PCDH7: variants seen among roughly 807,000 people sequenced by gnomAD.
PCDH7 encodes the protein protocadherin-7.
A neutral mutation model predicts 58.9 loss-of-function variants in PCDH7; 17 were observed. The ratio of observed to expected loss-of-function variants is 0.29; its 90% CI spans 0.20 to 0.43. The LOEUF (loss-of-function observed/expected upper bound fraction) is 0.43. PCDH7 is among the 20% of genes least tolerant of loss of function. The probability of loss-of-function intolerance (pLI) is 1.00; values close to 1 mark genes in which losing one functional copy is unlikely to be tolerated. For missense variants in PCDH7, 1,274 were observed against 1,441.0 expected, an observed-to-expected ratio of 0.88 and a Z score of 1.88; for synonymous variants, 664 against 616.4, an observed-to-expected ratio of 1.08 and a Z score of -1.14.
chr4:31,078,162 A>G (rs1759161969), intron 3 of PCDH7, among the ~76,000 whole-genome samples: 1 of 152,188 alleles, frequency 6.6e-6, no homozygotes, highest in Non-Finnish European at 1.5e-5. Flanking sequence ...TGTAACATCC[A>G]TATCATGGTG....
intron 1 of PCDH7, among the ~76,000 whole-genome samples, chr4:30,822,733 C>T (rs759465664): frequency 1.3e-5 from 2 of 151,962 alleles, no homozygotes; most frequent in Non-Finnish European, 2.9e-5. Context: ...GTGGGGAGTG[C>T]GCAGAGGATA....
At chr4:30,908,984 G>A (rs1421293183) in intron 1 of PCDH7, among the ~76,000 whole-genome samples, 1 of 152,002 alleles carries the variant, frequency 6.6e-6, no homozygotes, top group African/African-American at 2.4e-5. Context: ...TATGTACCAC[G>A]ATCAAGTCAG....
At chr4:31,013,002 G>A (rs1370439768) in intron 3 of PCDH7, among the ~76,000 whole-genome samples, 1 of 150,202 alleles carries the variant, frequency 6.7e-6, no homozygotes, top group Admixed American at 6.6e-5. Flanking sequence ...GCAACAAAGT[G>A]AGAGATGGTC....
intron 1 of PCDH7, among the ~76,000 whole-genome samples, chr4:30,808,087 CAT>C (rs958793934): frequency 2.2e-4 from 34 of 152,288 alleles, no homozygotes; most frequent in African/African-American, 8.2e-4. Flanking sequence ...GAGATCCAAA[CAT>C]GTACTAAGGT....
At chr4:31,103,329 T>C (rs544927859) in intron 3 of PCDH7, among the ~76,000 whole-genome samples, 16 of 152,190 alleles carry the variant, frequency 1.1e-4, no homozygotes, top group Admixed American at 3.9e-4. Flanking sequence ...TCCCAATTTC[T>C]TTTCTTTTCT....
At chr4:30,927,980 T>A (rs1026945303) in intron 2 of PCDH7, among the ~76,000 whole-genome samples, 4 of 152,232 alleles carry the variant, frequency 2.6e-5, no homozygotes, top group East Asian at 1.9e-4. Context: ...GTCTTTTTTT[T>A]ATTTTTATTT....
intron 1 of PCDH7, among the ~76,000 whole-genome samples, chr4:30,895,010 C>T (rs1408522681): frequency 6.6e-6 from 1 of 151,726 alleles, no homozygotes; most frequent in Non-Finnish European, 1.5e-5. Context: ...AGTATTATGT[C>T]ATGCATTAGT....
At chr4:31,130,986 A>G (rs1718912918) in intron 3 of PCDH7, among the ~76,000 whole-genome samples, 1 of 152,130 alleles carries the variant, frequency 6.6e-6, no homozygotes. Context: ...ATGTTACCTA[A>G]CATATGCACA....
intron 2 of PCDH7, among the ~76,000 whole-genome samples, chr4:30,923,888 GTT>G (rs1458340525): frequency 6.6e-6 from 1 of 152,090 alleles, no homozygotes; most frequent in African/African-American, 2.4e-5. Context: ...TTCATATAGA[GTT>G]TATGGGGGAA....
At chr4:30,917,624 A>G (rs1742646544) in intron 1 of PCDH7, among the ~76,000 whole-genome samples, 1 of 151,994 alleles carries the variant, frequency 6.6e-6, no homozygotes, top group Non-Finnish European at 1.5e-5. Flanking sequence ...AGATAAAAAT[A>G]TTTTAAAATT....
chr4:31,076,001 C>T (rs1204508113), intron 3 of PCDH7, among the ~76,000 whole-genome samples: 1 of 152,116 alleles, frequency 6.6e-6, no homozygotes, highest in African/African-American at 2.4e-5. Context: ...GTTATGACCT[C>T]ATGGAAATAT....
intron 3 of PCDH7, among the ~76,000 whole-genome samples, chr4:31,032,225 G>T (rs918527508): frequency 6.6e-6 from 1 of 152,174 alleles, no homozygotes. Context: ...TTATACGCAA[G>T]ATCATACATC....
chr4:30,896,658 T>C (rs1318168290), intron 1 of PCDH7, among the ~76,000 whole-genome samples: 11 of 152,072 alleles, frequency 7.2e-5, no homozygotes, highest in Admixed American at 7.2e-4. Context: ...AAGGAGGAAG[T>C]GGAAAATCTG....
At chr4:31,077,611 A>G (rs906548560) in intron 3 of PCDH7, among the ~76,000 whole-genome samples, 2 of 152,018 alleles carry the variant, frequency 1.3e-5, no homozygotes, top group African/African-American at 2.4e-5. Context: ...TCCCCACTTC[A>G]TGTTTATGAG....
chr4:30,722,986 A>C lies in PCDH7; in HGVS notation c.1564A>C (p.Ile522Leu). 1.2e-6 allele frequency: 2 copies of C among 1,613,802 alleles called. No individual in the cohort carries two copies. The highest frequency in any genetic ancestry group is 1.7e-6 in the Non-Finnish European group (2 of 1,180,032). The change falls in exon 1 of 2, where the codon ATT becomes CTT. Residue 522 changes from isoleucine to leucine, a missense_variant. Transcript: ENST00000361762. The surrounding 1 kb of genome is among the most constrained non-coding windows in gnomAD (Gnocchi z 7.6). ...CAGCCTCTCGAGCAACAACTCCCTG[A>C]TTGTCAAGGTGGGAGACACCAACGA...
intron 3 of PCDH7, among the ~76,000 whole-genome samples, chr4:31,077,998 G>A (rs994719112): frequency 6.6e-6 from 1 of 152,090 alleles, no homozygotes. Flanking sequence ...ATTTTCTCAG[G>A]ATTCGATGTG....
intron 1 of PCDH7, among the ~76,000 whole-genome samples, chr4:30,849,253 C>T (rs1732396229): frequency 6.6e-6 from 1 of 152,094 alleles, no homozygotes; most frequent in East Asian, 1.9e-4. Flanking sequence ...CTCCAAAAAC[C>T]ACTCTTGGGG....
intron 1 of PCDH7, among the ~76,000 whole-genome samples, chr4:30,868,364 C>T (rs1735137008): frequency 6.6e-6 from 1 of 152,012 alleles, no homozygotes; most frequent in Non-Finnish European, 1.5e-5. Context: ...TGTCAGATTG[C>T]AAAACCCCAA....
intron 3 of PCDH7, among the ~76,000 whole-genome samples, chr4:31,089,151 G>A (rs544265990): frequency 6.6e-6 from 1 of 152,010 alleles, no homozygotes; most frequent in African/African-American, 2.4e-5. Context: ...TGACCACACT[G>A]CAGGGACATT....
Sources: allele counts gnomAD v4.1 joint callset (sites outside exome capture counted in the v4.1 genomes callset), GRCh38; gene constraint gnomAD v4.1.1; non-coding constraint Gnocchi (gnomAD v3.1); transcripts MANE v1.5; gene names NCBI Gene and HGNC (gene_info 2026-07-23, HGNC 2026-07-21).